KCNH5: variants seen among roughly 807,000 people sequenced by gnomAD.
The protein encoded by KCNH5 is potassium voltage-gated channel subfamily H member 5.
Under a neutral mutation model 96.1 loss-of-function variants are expected in KCNH5, and 46 were observed. That is an observed-to-expected ratio of 0.48 (90% CI 0.38 to 0.61). The LOEUF is 0.61. KCNH5 is among the 20% of genes least tolerant of loss of function. The pLI is 0.00. For synonymous variants in KCNH5, 439 were observed against 449.8 expected (o/e 0.98, Z 0.30); for missense variants, 907 against 1,225.8 (o/e 0.74, Z 3.88).
rs746788049 is a variant in KCNH5 at position 62,981,080 on chromosome 14, A to G, written c.734T>C (p.Ile245Thr). The G allele has an allele frequency of 6.2e-7, 1 of 1,614,190 alleles. No homozygotes were observed. The highest frequency in any genetic ancestry group is 1.1e-5 in the South Asian group (1 of 91,084). Residue 245 changes from isoleucine (I) to threonine (T), a missense_variant, in exon 6 of 11, where the codon ATA becomes ACA. Physicochemically the swap from Ile to Thr is moderately conservative, Grantham distance 89. Coordinates refer to ENST00000322893, the MANE Select transcript of KCNH5 (RefSeq NM_139318.5). ...CACACTATCCAGTACCAGCCAGGCT[A>G]TGTTGTTCTGCTTTGTTTTGAAGGA... ...NVSFKTKQNN[I>T]AWLVLDSVVD...
At chr14:62,911,690 T>C (rs1889157861) in intron 7 of KCNH5, among the ~76,000 whole-genome samples, 1 of 151,742 alleles carries the variant, frequency 6.6e-6, no homozygotes, top group Non-Finnish European at 1.5e-5. Context: ...AACATCAGCA[T>C]GTCAGATTAC....
chr14:62,897,931 GA>G (rs949980824), intron 7 of KCNH5, among the ~76,000 whole-genome samples: 13 of 151,822 alleles, frequency 8.6e-5, no homozygotes, highest in Admixed American at 2.6e-4. Flanking sequence ...AACCACAGAG[GA>G]AAAAAAACTT....
intron 10 of KCNH5, among the ~76,000 whole-genome samples, chr14:62,763,794 T>C (rs1427245812): frequency 2.0e-5 from 3 of 152,194 alleles, no homozygotes; most frequent in Non-Finnish European, 4.4e-5. Flanking sequence ...AAGAAATTGA[T>C]AAATTCCTAG....
At chr14:62,901,259 T>C (rs990716860) in intron 7 of KCNH5, among the ~76,000 whole-genome samples, 2 of 151,968 alleles carry the variant, frequency 1.3e-5, no homozygotes, top group Admixed American at 1.3e-4. Flanking sequence ...ATTCAGAGGG[T>C]TCATGTTCAG....
chr14:63,016,997 C>A, intron 1 of KCNH5, 43 bp from the exon 2 acceptor site: 1 of 1,569,356 alleles, frequency 6.4e-7, no homozygotes, highest in Non-Finnish European at 8.6e-7. Flanking sequence ...TAGCTTAATT[C>A]AACAATGCAC....
chr14:62,854,252 C>T (rs1887887727), intron 7 of KCNH5, among the ~76,000 whole-genome samples: 1 of 152,080 alleles, frequency 6.6e-6, no homozygotes, highest in African/African-American at 2.4e-5. Context: ...GTCCTTTTGG[C>T]TCACTGCTGT....
intron 7 of KCNH5, among the ~76,000 whole-genome samples, chr14:62,897,696 A>G (rs1237907230): frequency 1.3e-5 from 2 of 152,192 alleles, no homozygotes; most frequent in Non-Finnish European, 2.9e-5. Context: ...GTGAAAAAGG[A>G]AGAACACAGT....
At chr14:62,766,064 C>A (rs79654597) in intron 10 of KCNH5, among the ~76,000 whole-genome samples, 2 of 151,868 alleles carry the variant, frequency 1.3e-5, no homozygotes, top group Non-Finnish European at 2.9e-5. Flanking sequence ...ATAAGACAGA[C>A]GAATGGAAAT....
At chr14:63,011,532 A>G (rs1163732260) in intron 2 of KCNH5, among the ~76,000 whole-genome samples, 1 of 152,184 alleles carries the variant, frequency 6.6e-6, no homozygotes. Flanking sequence ...TAATTTTGGA[A>G]TAAATCAAAG....
At chr14:62,744,636 G>A (rs1050597227) in intron 10 of KCNH5, among the ~76,000 whole-genome samples, 1 of 152,208 alleles carries the variant, frequency 6.6e-6, no homozygotes, top group Non-Finnish European at 1.5e-5. Context: ...GAATTACGAA[G>A]AGAAGTATAA....
chr14:62,781,038 G>A (rs1412819033), intron 9 of KCNH5, among the ~76,000 whole-genome samples: 1 of 152,058 alleles, frequency 6.6e-6, no homozygotes, highest in Admixed American at 6.6e-5. Flanking sequence ...CTTTATCGGG[G>A]AATCTGCCCC....
intron 6 of KCNH5, among the ~76,000 whole-genome samples, chr14:62,951,727 G>A (rs998569276): frequency 2.0e-5 from 3 of 152,094 alleles, no homozygotes; most frequent in South Asian, 2.1e-4. Flanking sequence ...TTGGGAAGCC[G>A]AGGCAGGTGG....
chr14:62,745,627 A>T (rs902773921), intron 10 of KCNH5, among the ~76,000 whole-genome samples: 1 of 152,102 alleles, frequency 6.6e-6, no homozygotes, highest in African/African-American at 2.4e-5. Context: ...AGGGGTTGGG[A>T]AAGGAGTGAC....
chr14:62,917,456 C>A (rs1429572310), intron 7 of KCNH5, among the ~76,000 whole-genome samples: 4 of 151,904 alleles, frequency 2.6e-5, no homozygotes, highest in Non-Finnish European at 4.4e-5. Context: ...AACTGAAATC[C>A]ATATACCTCT....
At chr14:62,801,398 G>C (rs1886657404) in intron 9 of KCNH5, among the ~76,000 whole-genome samples, 1 of 146,940 alleles carries the variant, frequency 6.8e-6, no homozygotes, top group Non-Finnish European at 1.5e-5. Context: ...AAAAAGAAAT[G>C]ATTCTCCTCT....
intron 10 of KCNH5, among the ~76,000 whole-genome samples, chr14:62,722,085 T>A (rs552232587): frequency 6.6e-6 from 1 of 152,330 alleles, no homozygotes; most frequent in African/African-American, 2.4e-5. Flanking sequence ...ATTTTAATTC[T>A]AAGTTCTTAG....
intron 7 of KCNH5, among the ~76,000 whole-genome samples, chr14:62,926,615 G>A (rs985259448): frequency 2.0e-5 from 3 of 152,124 alleles, no homozygotes; most frequent in Non-Finnish European, 4.4e-5. Flanking sequence ...AGGCTCTGGT[G>A]AGGGCCCTCT....
chr14:62,919,643 T>C (rs1391386329), intron 7 of KCNH5, among the ~76,000 whole-genome samples: 3 of 152,138 alleles, frequency 2.0e-5, no homozygotes, highest in African/African-American at 7.2e-5. Context: ...ATGAAATGAA[T>C]CAATGTCTTT....
intron 10 of KCNH5, among the ~76,000 whole-genome samples, chr14:62,736,263 G>A (rs575628339): frequency 6.6e-6 from 1 of 152,236 alleles, no homozygotes; most frequent in South Asian, 2.1e-4. Flanking sequence ...TAAACTGTAA[G>A]TTAGATCATA....
Sources: gnomAD v4.1 joint callset for allele counts (sites outside exome capture counted in the v4.1 genomes callset) on GRCh38, gnomAD v4.1.1 for gene constraint, MANE v1.5 for transcripts, NCBI Gene and HGNC (gene_info 2026-07-23, HGNC 2026-07-21) for gene names.